The following ABCA12 variants were observed in gnomAD, a reference collection of about 807,000 sequenced individuals.
The protein encoded by ABCA12 is ATP binding cassette subfamily A member 12, also known as glucosylceramide transporter ABCA12.
Under a neutral mutation model 293.5 loss-of-function variants are expected in ABCA12, and 156 were observed. The ratio of observed to expected loss-of-function variants is 0.53; its 90% CI spans 0.47 to 0.61. The LOEUF is 0.61. Among genes scored for constraint, ABCA12 ranks in the 20% least tolerant of loss-of-function variants. ABCA12 has a pLI of 0.00. For synonymous variants in ABCA12, 1,063 were observed against 1,108.0 expected, an observed-to-expected ratio of 0.96 and a Z score of 0.81; for missense variants, 2,797 against 3,090.2, an observed-to-expected ratio of 0.91 and a Z score of 2.25.
At chr2:215,110,791 T>A (rs1702557164) in intron 2 of ABCA12, among the ~76,000 whole-genome samples, 1 of 152,202 alleles carries the variant, frequency 6.6e-6, no homozygotes, top group Non-Finnish European at 1.5e-5. Flanking sequence ...ATTACCATAA[T>A]TTATGTGAAA....
chr2:215,071,876 C>T (rs1701744886), intron 2 of ABCA12, among the ~76,000 whole-genome samples: 1 of 152,298 alleles, frequency 6.6e-6, no homozygotes, highest in East Asian at 1.9e-4. Context: ...CATGATGATG[C>T]ACTTCTCTTC....
Position 214,978,960 on chromosome 2 carries a change from G to C in ABCA12, c.4821C>G (p.Tyr1607Ter). 6.2e-7 allele frequency: 1 copy of C among 1,614,092 alleles called. No individual in the cohort carries two copies. ...AMIQSHLPEA[Y>*]LKEDIGGELV... ...GCTCTCCCCCAATATCCTCCTTGAGGTAGGCTTCGGGGAGATGTGATTGGA... is the reference window on the plus strand; with the variant it reads ...GCTCTCCCCCAATATCCTCCTTGAGCTAGGCTTCGGGGAGATGTGATTGGA... Residue 1607 changes from tyrosine to a stop codon, truncating the protein, a stop_gained, in exon 32 of 53, where the codon TAC (tyrosine) becomes TAG (stop). Coordinates refer to ENST00000272895, the MANE Select transcript of ABCA12 (RefSeq NM_173076.3). LOFTEE classifies it high-confidence loss of function.
intron 7 of ABCA12, among the ~76,000 whole-genome samples, chr2:215,039,296 C>A (rs1701049551): frequency 6.6e-6 from 1 of 152,008 alleles, no homozygotes; most frequent in African/African-American, 2.4e-5. Flanking sequence ...ACTTGTTCAA[C>A]AAAGATTAAG....
chr2:214,945,037 ACTT>A lies in ABCA12; in HGVS notation c.7304_7306del (p.Glu2435del). The stretch of plus-strand genomic sequence containing the variant: ...GAGGATGACGGAACATTTGTTCTGT[ACTT>A]CTTCTGAAATGATCTTCCAGAGGTG... On this transcript the variant is annotated inframe_deletion, in exon 49 of 53. Transcript: ENST00000272895. The A allele has an allele frequency of 1.9e-6, 3 of 1,613,808 alleles. No individual in the cohort carries two copies. Among genetic ancestry groups the A allele is most frequent in the Non-Finnish European group, 2.5e-6 (3 of 1,179,862 alleles).
intron 44 of ABCA12, among the ~76,000 whole-genome samples, chr2:214,952,724 T>C (rs1698818248): frequency 6.6e-6 from 1 of 152,218 alleles, no homozygotes. Context: ...CATTTGTTTG[T>C]TGAATAAAGC....
chr2:215,086,636 C>T (rs975310741), intron 2 of ABCA12, among the ~76,000 whole-genome samples: 1 of 152,120 alleles, frequency 6.6e-6, no homozygotes, highest in Non-Finnish European at 1.5e-5. Context: ...CATCACTCAC[C>T]GTATGATTCT....
chr2:215,079,272 GGT>G (rs1203198075), intron 2 of ABCA12, among the ~76,000 whole-genome samples: 1 of 152,148 alleles, frequency 6.6e-6, no homozygotes, highest in African/African-American at 2.4e-5. Flanking sequence ...TGTAGACAGT[GGT>G]GGATTTCTTT....
In ABCA12 at chr2:215,007,960, A is replaced by G. The variant is rs555288154; in HGVS notation, c.2473-114T>C. On this transcript the variant is annotated intron_variant, in intron 18 of 52. Coordinates refer to ENST00000272895, the MANE Select transcript of ABCA12 (RefSeq NM_173076.3). Reference sequence around the variant, plus strand: ...CTTCAAAAGACAGTTCTAAAACATGAAGTTAGTACAAACAATTGTCAGAAA... The same window carrying G: ...CTTCAAAAGACAGTTCTAAAACATGGAGTTAGTACAAACAATTGTCAGAAA... The G allele has an allele frequency of 1.7e-4, 231 of 1,332,554 alleles. No homozygotes were observed. In the African/African-American group the frequency reaches 2.4e-3, roughly 14 times the overall value. 82.5% of individuals were successfully genotyped at this position (1,332,554 alleles called of 1,614,324 possible).
At chr2:214,941,935 T>G (rs1178247253) in intron 50 of ABCA12, among the ~76,000 whole-genome samples, 4 of 152,230 alleles carry the variant, frequency 2.6e-5, no homozygotes. Context: ...GTCTTTTAAC[T>G]GGGGCATTTA....
chr2:214,979,213 C>A (rs1699594131), intron 31 of ABCA12, among the ~76,000 whole-genome samples, 173 bp from the exon 32 acceptor site: 1 of 152,002 alleles, frequency 6.6e-6, no homozygotes, highest in African/African-American at 2.4e-5. Context: ...TTCTACTGGC[C>A]CCATTCTCCC....
chr2:215,090,728 G>T (rs2970950), intron 2 of ABCA12, among the ~76,000 whole-genome samples: 110,652 of 151,996 alleles, frequency 0.73, 43,893 homozygotes, highest in Non-Finnish European at 0.9. Context: ...TTAGTGGCAA[G>T]TACCACTTCC....
rs767101129 is a variant in ABCA12 at position 214,949,039 on chromosome 2, C to T, written c.6962+1G>A. On this transcript the variant is annotated splice_donor_variant, in intron 46 of 52. Transcript: ENST00000272895. LOFTEE classifies it high-confidence loss of function. ...TAAATTGAAGCATTAGTTTTTCATA[C>T]CCGGTCTTATTTCTGATCAGAATGT... 2.9e-5 allele frequency: 46 copies of T among 1,609,916 alleles called. No individual in the cohort carries two copies. Among genetic ancestry groups the T allele is most frequent in the Non-Finnish European group, 3.7e-5 (43 of 1,176,622 alleles).
chr2:214,994,228 A>G (rs77532485), intron 23 of ABCA12, among the ~76,000 whole-genome samples: 1,545 of 152,180 alleles, frequency 0.01, 27 homozygotes, highest in African/African-American at 0.036. Flanking sequence ...GAGAGCGGCT[A>G]GATGTGCTTT....
At chr2:214,963,426 A>T (rs1699167792) in intron 39 of ABCA12, among the ~76,000 whole-genome samples, 1 of 151,670 alleles carries the variant, frequency 6.6e-6, no homozygotes. Flanking sequence ...GTAATAAAAA[A>T]CTTACCAACC....
At chr2:214,988,401 T>C (rs1699833801) in intron 26 of ABCA12, among the ~76,000 whole-genome samples, 1 of 152,218 alleles carries the variant, frequency 6.6e-6, no homozygotes, top group South Asian at 2.1e-4. Context: ...ATTTGTCTCA[T>C]GCCCATTTGC....
Position 214,958,385 on chromosome 2 carries a change from G to A in ABCA12, c.6009C>T (p.Ser2003=). Reference sequence around the variant, plus strand: ...GTTCCCTTACAACATAGGTGACAAAGCTGGCGGTGGTGACAGAGTAGCCCA... The same window carrying A: ...GTTCCCTTACAACATAGGTGACAAAACTGGCGGTGGTGACAGAGTAGCCCA... ...ILMGYSVTTA[S]FVTYVVREHQ... is the part of the protein sequence containing the mutation. The change falls in exon 41 of 53, where the codon AGC becomes AGT. Residue 2003 remains serine, a synonymous_variant. Transcript: ENST00000272895. 1.2e-6 allele frequency: 2 copies of A among 1,614,032 alleles called. No individual in the cohort carries two copies. The highest frequency in any genetic ancestry group is 1.7e-6 in the Non-Finnish European group (2 of 1,179,930).
intron 2 of ABCA12, among the ~76,000 whole-genome samples, chr2:215,104,328 G>A (rs1702418604): frequency 1.3e-5 from 2 of 152,168 alleles, no homozygotes; most frequent in Admixed American, 1.3e-4. Context: ...GTGCAATTCT[G>A]TTTACTGAGC....
In ABCA12 at chr2:215,025,771, T is replaced by C. The variant is rs1323442447; in HGVS notation, c.1189A>G (p.Arg397Gly). The change falls in exon 11 of 53, where the codon AGA becomes GGA. Residue 397 changes from arginine to glycine, a missense_variant. By Grantham distance (125) the Arg-to-Gly change is moderately radical. Coordinates refer to ENST00000272895, the MANE Select transcript of ABCA12 (RefSeq NM_173076.3). ...SLARGSPENL[R>G]LLQSTIRFKK... is the part of the protein sequence containing the mutation. ...AATCGTATTGTGGACTGCAGGAGTCTTAGATTTTCTGTAAAGGAAGGGAGA... is the reference window on the plus strand; with the variant it reads ...AATCGTATTGTGGACTGCAGGAGTCCTAGATTTTCTGTAAAGGAAGGGAGA... The C allele has an allele frequency of 5.0e-6, 8 of 1,609,868 alleles. No homozygotes were observed. Among genetic ancestry groups the C allele is most frequent in the Middle Eastern group, 1.6e-4 (1 of 6,070 alleles).
chr2:214,978,810 C>G lies in ABCA12; in HGVS notation c.4971G>C (p.Val1657=), dbSNP rs1301626533. 1 of 1,613,046 alleles carries G rather than the reference C, an allele frequency of 6.2e-7. No homozygotes were observed. Among genetic ancestry groups the G allele is most frequent in the Admixed American group, 1.7e-5 (1 of 60,008 alleles). Residue 1657 remains valine (V), a synonymous_variant, in exon 32 of 53, where the codon GTG becomes GTC. Transcript: ENST00000272895. ...AAGAAATATTGAGGTATACCTCCTCCACGGTGGTATCTGAAATGCCGTAGC... is the reference window on the plus strand; with the variant it reads ...AAGAAATATTGAGGTATACCTCCTCGACGGTGGTATCTGAAATGCCGTAGC... ...IGCYGISDTT[V]EEVFLNLTKE... is the part of the protein sequence containing the mutation.
Sources: gnomAD v4.1 joint callset for allele counts (sites outside exome capture counted in the v4.1 genomes callset) on GRCh38, gnomAD v4.1.1 for gene constraint, MANE v1.5 for transcripts, NCBI Gene and HGNC (gene_info 2026-07-23, HGNC 2026-07-21) for gene names.